The following DAB1 variants were observed in gnomAD, a reference collection of about 807,000 sequenced individuals.
DAB1 encodes DAB adaptor protein 1.
In DAB1, 15 loss-of-function variants were observed where a neutral mutation model predicts 64.6. That is an observed-to-expected ratio of 0.23 (90% confidence interval 0.16 to 0.36). The LOEUF (loss-of-function observed/expected upper bound fraction) is 0.36. DAB1 is among the 10% of genes least tolerant of loss of function. DAB1 has a pLI of 1.00. For missense variants in DAB1, 596 were observed against 706.7 expected (o/e 0.84, Z 1.78); for synonymous variants, 235 against 251.9 (o/e 0.93, Z 0.64).
chr1:57,721,574 C>A (rs1048287975), intron 6 of DAB1, among the ~76,000 whole-genome samples: 2 of 152,160 alleles, frequency 1.3e-5, no homozygotes, highest in Non-Finnish European at 2.9e-5. Context: ...TCCTCAAGGC[C>A]ACACCAGTAG....
At chr1:57,779,086 T>A (rs935649714) in intron 6 of DAB1, among the ~76,000 whole-genome samples, 34 of 152,120 alleles carry the variant, frequency 2.2e-4, no homozygotes, top group African/African-American at 8.2e-4. Flanking sequence ...AGAAGATATT[T>A]CAGATAATAA....
intron 6 of DAB1, among the ~76,000 whole-genome samples, chr1:57,675,165 A>C (rs1314631115): frequency 6.6e-6 from 1 of 152,220 alleles, no homozygotes; most frequent in Non-Finnish European, 1.5e-5. Flanking sequence ...GCTTCATGCA[A>C]GTAAGAAAAA....
chr1:58,377,308 C>A (rs1157379876), intron 3 of DAB1, among the ~76,000 whole-genome samples: 1 of 142,244 alleles, frequency 7.0e-6, no homozygotes, highest in Non-Finnish European at 1.5e-5. Flanking sequence ...GATTTTGCAG[C>A]GGCTGGTACC....
chr1:57,660,548 T>C (rs1407090565), intron 6 of DAB1, among the ~76,000 whole-genome samples: 2 of 152,238 alleles, frequency 1.3e-5, no homozygotes, highest in African/African-American at 2.4e-5. Context: ...GAGATCAGCC[T>C]AGGTGATTGC....
chr1:57,439,557 T>C (rs1685853924), intron 7 of DAB1, among the ~76,000 whole-genome samples: 2 of 148,018 alleles, frequency 1.4e-5, no homozygotes, highest in African/African-American at 2.5e-5. Context: ...GCCTCCCGAG[T>C]AGCTGGGACT....
At position 57,905,748 on chromosome 1, in the gene DAB1, G is replaced by A. The variant is rs1644540905; in HGVS notation, n.388-21586C>T. Reference sequence around the variant, plus strand: ...TAACACTGGGGCTCACTAACATACAGAGATTGAGAAGAAGAAGAGAAACCA... The same window carrying A: ...TAACACTGGGGCTCACTAACATACAAAGATTGAGAAGAAGAAGAGAAACCA... On this transcript the variant is annotated intron_variant and non_coding_transcript_variant, in intron 5 of 20. Transcript: ENST00000485760. 2.6e-5 allele frequency among the ~76,000 whole-genome samples: 4 copies of A among 152,108 alleles called. No individual in the cohort carries two copies. In the South Asian group the frequency reaches 6.2e-4, roughly 24 times the overall value.
intron 5 of DAB1, among the ~76,000 whole-genome samples, chr1:57,993,942 A>G (rs955849019): frequency 2.0e-5 from 3 of 152,208 alleles, no homozygotes; most frequent in Admixed American, 6.5e-5. Context: ...CTAAGTGCTG[A>G]AAACACAGAA....
chr1:57,488,326 C>T (rs1256296205), intron 7 of DAB1, among the ~76,000 whole-genome samples: 2 of 148,138 alleles, frequency 1.4e-5, no homozygotes, highest in Middle Eastern at 3.5e-3. Context: ...GGCATGAACC[C>T]GGGCGGGGGA....
intron 7 of DAB1, among the ~76,000 whole-genome samples, chr1:57,589,096 C>A (rs1645412952): frequency 6.6e-6 from 1 of 151,980 alleles, no homozygotes. Context: ...AATTAGCTAA[C>A]ACCTGTAATC....
chr1:57,002,474 G>A (rs1645904997), intron 14 of DAB1, among the ~76,000 whole-genome samples: 1 of 152,212 alleles, frequency 6.6e-6, no homozygotes, highest in Non-Finnish European at 1.5e-5. Flanking sequence ...CTCTGAATTG[G>A]ATGCTGTCAT....
chr1:57,314,885 G>A (rs1675062543), intron 1 of DAB1, among the ~76,000 whole-genome samples: 1 of 152,008 alleles, frequency 6.6e-6, no homozygotes, highest in Non-Finnish European at 1.5e-5. Context: ...ATGGATCCAT[G>A]GTTAAATAGT....
intron 1 of DAB1, among the ~76,000 whole-genome samples, chr1:57,339,158 A>T (rs1392684360): frequency 1.4e-3 from 197 of 137,280 alleles, no homozygotes; most frequent in Admixed American, 2.7e-3. Context: ...TTAATTAATT[A>T]TTATTTTTTT....
chr1:57,124,243 GA>G (rs1336726432), intron 4 of DAB1, among the ~76,000 whole-genome samples: 90 of 152,334 alleles, frequency 5.9e-4, no homozygotes, highest in Middle Eastern at 6.8e-3. Flanking sequence ...GTGCAAAGGT[GA>G]TTGTACCATA....
At chr1:57,245,194 A>G (rs1413046883) in intron 2 of DAB1, among the ~76,000 whole-genome samples, 2 of 152,200 alleles carry the variant, frequency 1.3e-5, no homozygotes, top group African/African-American at 4.8e-5. Flanking sequence ...ATACTTTGGC[A>G]CAGATTGGTG....
chr1:58,032,682 A>G (rs1267967390), intron 5 of DAB1, among the ~76,000 whole-genome samples: 1 of 152,166 alleles, frequency 6.6e-6, no homozygotes, highest in Non-Finnish European at 1.5e-5. Flanking sequence ...TGGACTCTAA[A>G]CCATGCCCCT....
chr1:57,788,981 G>A (rs1650463827), intron 6 of DAB1, among the ~76,000 whole-genome samples: 1 of 152,028 alleles, frequency 6.6e-6, no homozygotes, highest in African/African-American at 2.4e-5. Context: ...CACTTCTCAA[G>A]CATTACCAAC....
chr1:58,366,027 G>A (rs10889089), intron 3 of DAB1, among the ~76,000 whole-genome samples: 48,567 of 151,930 alleles, frequency 0.32, 8,976 homozygotes, highest in East Asian at 0.51. Context: ...ACCAGTGACT[G>A]CTGCCAACCA....
chr1:57,141,340 T>C (rs1421748372), intron 3 of DAB1, among the ~76,000 whole-genome samples: 1 of 152,132 alleles, frequency 6.6e-6, no homozygotes, highest in African/African-American at 2.4e-5. Context: ...AGGCAGGAGA[T>C]CAGTGGGTAG....
intron 5 of DAB1, among the ~76,000 whole-genome samples, chr1:58,110,854 G>A (rs1353735268): frequency 6.6e-6 from 1 of 152,166 alleles, no homozygotes. Context: ...AAGTTGCTGG[G>A]GAGTTAAGTT....
Sources: gnomAD v4.1 joint callset for allele counts (sites outside exome capture counted in the v4.1 genomes callset) on GRCh38, gnomAD v4.1.1 for gene constraint, MANE v1.5 for transcripts, NCBI Gene and HGNC (gene_info 2026-07-23, HGNC 2026-07-21) for gene names.